The following TBC1D19 variants were observed in gnomAD, a reference collection of about 807,000 sequenced individuals.
TBC1D19 encodes TBC1 domain family member 19.
In TBC1D19, 60 loss-of-function variants were observed where a neutral mutation model predicts 89.0. That is an observed-to-expected ratio of 0.67 (90% CI 0.55 to 0.84). The LOEUF is 0.84. TBC1D19 is among the 40% of genes least tolerant of loss of function. The pLI, the probability that TBC1D19 is intolerant of heterozygous loss-of-function variation, is 0.00. For synonymous variants in TBC1D19, 189 were observed against 199.7 expected (o/e 0.95, Z 0.45); for missense variants, 500 against 610.8 (o/e 0.82, Z 1.91).
the TBC1D19 span, among the ~76,000 whole-genome samples, chr4:26,842,657 C>T: frequency 2.2e-5 from 2 of 93,000 alleles, no homozygotes; most frequent in African/African-American, 4.0e-5. Context: ...TTTCTTTCTT[C>T]TTTCCTTTCT....
chr4:26,716,143 T>A (rs1716591700), intron 13 of TBC1D19, among the ~76,000 whole-genome samples: 1 of 152,168 alleles, frequency 6.6e-6, no homozygotes, highest in Non-Finnish European at 1.5e-5. Flanking sequence ...ACACACATTC[T>A]GCTCCATCAT....
chr4:26,656,997 C>CTCCTTT (rs1744882902), intron 7 of TBC1D19, among the ~76,000 whole-genome samples: 1 of 121,032 alleles, frequency 8.3e-6, no homozygotes, highest in African/African-American at 3.0e-5. Context: ...TCTTCTCCTT[C>CTCCTTT]TCCTTCTCCT....
chr4:26,678,611 A>G (rs1713056316), intron 11 of TBC1D19, among the ~76,000 whole-genome samples: 1 of 152,154 alleles, frequency 6.6e-6, no homozygotes, highest in Non-Finnish European at 1.5e-5. Flanking sequence ...ATGAGATAAC[A>G]TAGAAAAAAA....
At chr4:26,592,522 CA>C (rs199934112) in intron 1 of TBC1D19, among the ~76,000 whole-genome samples, 8,971 of 152,026 alleles carry the variant, frequency 0.059, 892 homozygotes, top group African/African-American at 0.21. Flanking sequence ...AAAGGGTATT[CA>C]ATTAGGAAAA....
chr4:26,583,383 T>G (rs1739190014), upstream of TBC1D19, among the ~76,000 whole-genome samples: 1 of 152,220 alleles, frequency 6.6e-6, no homozygotes, highest in Non-Finnish European at 1.5e-5. Context: ...GAAAGCTGAA[T>G]GAATTATGAA....
intron 4 of TBC1D19, among the ~76,000 whole-genome samples, chr4:26,626,120 G>A (rs1742382961): frequency 6.6e-6 from 1 of 151,980 alleles, no homozygotes; most frequent in South Asian, 2.1e-4. Context: ...ACATCAGTAT[G>A]GACTCATGGA....
intron 16 of TBC1D19, among the ~76,000 whole-genome samples, chr4:26,737,823 T>C (rs1365372417): frequency 6.6e-6 from 1 of 152,048 alleles, no homozygotes; most frequent in Non-Finnish European, 1.5e-5. Context: ...CTTTTAAACA[T>C]TGATACAGAT....
At chr4:26,770,188 G>A in the TBC1D19 span, among the ~76,000 whole-genome samples, 1 of 151,950 alleles carries the variant, frequency 6.6e-6, no homozygotes, top group African/African-American at 2.4e-5. Context: ...AAAAAGATGA[G>A]ACCTACCTAT....
chr4:26,705,878 TTTTTGTTTTG>T (rs529196083), intron 13 of TBC1D19, among the ~76,000 whole-genome samples: 3 of 151,914 alleles, frequency 2.0e-5, no homozygotes, highest in Admixed American at 6.6e-5. Flanking sequence ...TGTGGGAAAG[TTTTTGTTTTG>T]TTTTGTTTTG....
the TBC1D19 span, among the ~76,000 whole-genome samples, chr4:26,824,847 A>C: frequency 6.6e-6 from 1 of 152,168 alleles, no homozygotes; most frequent in African/African-American, 2.4e-5. Context: ...ACATTTAAGC[A>C]AACATGTTTA....
At chr4:26,706,546 T>C (rs1223312931) in intron 13 of TBC1D19, among the ~76,000 whole-genome samples, 1 of 152,100 alleles carries the variant, frequency 6.6e-6, no homozygotes, top group East Asian at 1.9e-4. Flanking sequence ...CTCTACTTTT[T>C]ATTATTTTAT....
chr4:26,673,424 C>CATATATATATAT (rs769124292), intron 10 of TBC1D19, among the ~76,000 whole-genome samples: 2 of 106,014 alleles, frequency 1.9e-5, no homozygotes, highest in African/African-American at 6.9e-5. Flanking sequence ...AAAATTATTT[C>CATATATATATAT]ATATATATAT....
chr4:26,823,834 TGTC>T, the TBC1D19 span, among the ~76,000 whole-genome samples: 4 of 152,220 alleles, frequency 2.6e-5, no homozygotes, highest in African/African-American at 9.6e-5. Flanking sequence ...ACTGAAAGCT[TGTC>T]GTCAGTGTAT....
At position 26,589,691 on chromosome 4, in the gene TBC1D19, A is replaced by G. The variant is rs377011182; in HGVS notation, c.99+5399A>G. ...ATTTACCTCTGCTTTGTATTGTTGTAGGATCCTGGGCCCAAGAGAGTTTTC... is the reference window on the plus strand; with the variant it reads ...ATTTACCTCTGCTTTGTATTGTTGTGGGATCCTGGGCCCAAGAGAGTTTTC... On this transcript the variant is annotated intron_variant, in intron 1 of 20. Transcript: ENST00000264866. Among the ~76,000 whole-genome samples the G allele has an allele frequency of 6.6e-4, 100 of 152,256 alleles. No homozygotes were observed. In the South Asian group the frequency reaches 0.019, roughly 29 times the overall value.
At chr4:26,639,186 C>T (rs1225328580) in intron 6 of TBC1D19, among the ~76,000 whole-genome samples, 1 of 152,098 alleles carries the variant, frequency 6.6e-6, no homozygotes, top group Non-Finnish European at 1.5e-5. Context: ...GTAGCTAAGA[C>T]TACAGGCACA....
intron 13 of TBC1D19, among the ~76,000 whole-genome samples, chr4:26,709,790 A>G (rs1260549860): frequency 1.3e-5 from 2 of 152,032 alleles, no homozygotes; most frequent in Non-Finnish European, 2.9e-5. Context: ...ATTTTTGTCT[A>G]GGTGGGGAAA....
intron 8 of TBC1D19, 98 bp downstream of exon 8, chr4:26,659,805 C>T (rs1471150013): frequency 1.6e-6 from 1 of 616,410 alleles, no homozygotes; most frequent in Non-Finnish European, 2.6e-6. Flanking sequence ...GTAATCTACT[C>T]ATTAAACAAA....
intron 4 of TBC1D19, among the ~76,000 whole-genome samples, chr4:26,628,060 T>A (rs1390205368): frequency 3.3e-5 from 5 of 152,192 alleles, no homozygotes; most frequent in African/African-American, 4.8e-5. Flanking sequence ...AATTAATTTT[T>A]GTATAAGGTG....
intron 4 of TBC1D19, among the ~76,000 whole-genome samples, chr4:26,627,320 T>A (rs1742484005): frequency 6.6e-6 from 1 of 152,226 alleles, no homozygotes; most frequent in Non-Finnish European, 1.5e-5. Context: ...TCTAAGTCTT[T>A]GCTATTGTGA....
Sources: gnomAD v4.1 joint callset for allele counts (sites outside exome capture counted in the v4.1 genomes callset) on GRCh38, gnomAD v4.1.1 for gene constraint, MANE v1.5 for transcripts, NCBI Gene and HGNC (gene_info 2026-07-23, HGNC 2026-07-21) for gene names.